Variants in B4GALT1 observed in about 807,000 individuals in gnomAD.
B4GALT1 encodes beta-1,4-galactosyltransferase 1.
A neutral mutation model predicts 34.9 loss-of-function variants in B4GALT1; 16 were observed. The observed-to-expected ratio is 0.46, with a 90% CI of 0.31 to 0.70. B4GALT1 has a LOEUF of 0.70. B4GALT1 is among the 30% of genes least tolerant of loss of function. B4GALT1 has a pLI of 0.05. For synonymous variants in B4GALT1, 221 were observed against 218.1 expected (o/e 1.01, Z -0.12); for missense variants, 445 against 530.5 (o/e 0.84, Z 1.58).
chr9:33,135,431 AG>A lies in B4GALT1; in HGVS notation c.413-8del. On this transcript the variant is annotated splice_polypyrimidine_tract_variant and splice_region_variant and intron_variant, in intron 1 of 5. Coordinates refer to ENST00000379731, the MANE Select transcript of B4GALT1 (RefSeq NM_001497.4). ...TCAATCAGCATGGGGCCCACTAGAG[AG>A]GTGGAGGGAGGGAGAAGTTAGCAGG... 6.2e-7 allele frequency: 1 copy of A among 1,613,530 alleles called. No homozygotes were observed. Among genetic ancestry groups the A allele is most frequent in the South Asian group, 1.1e-5 (1 of 90,988 alleles).
the B4GALT1 span, among the ~76,000 whole-genome samples, chr9:33,180,752 G>C: frequency 3.3e-5 from 5 of 152,306 alleles, no homozygotes; most frequent in East Asian, 9.6e-4. Flanking sequence ...CTAGGTAGGG[G>C]AGGAACGAAT....
At chr9:33,120,694 A>G (rs767345809) in intron 2 of B4GALT1, 88 bp from the exon 3 acceptor site, 219 of 1,371,636 alleles carry the variant, frequency 1.6e-4, no homozygotes, top group Non-Finnish European at 2.2e-4. Flanking sequence ...TCCACTACAC[A>G]TGGTCACTAG....
At chr9:33,116,192 A>T in intron 3 of B4GALT1, 79 bp from the exon 4 acceptor site, 1 of 1,520,784 alleles carries the variant, frequency 6.6e-7, no homozygotes, top group Non-Finnish European at 9.0e-7. Context: ...TGCTGAGAAC[A>T]TAAACACTTT....
intron 1 of B4GALT1, among the ~76,000 whole-genome samples, chr9:33,153,010 G>A (rs1840545288): frequency 6.6e-6 from 1 of 152,158 alleles, no homozygotes; most frequent in East Asian, 1.9e-4. Context: ...TCCAGCCTGG[G>A]CAACATGGCA....
Position 33,120,529 on chromosome 9 carries a change from G to C in B4GALT1, c.726C>G (p.Thr242=). Residue 242 remains threonine (T), a synonymous_variant, in exon 3 of 6, where the codon ACC becomes ACG. Coordinates refer to ENST00000379731, the MANE Select transcript of B4GALT1 (RefSeq NM_001497.4). ...FQEALKDYDY[T]CFVFSDVDLI... is the part of the protein sequence containing the mutation. ...GGTCCACGTCACTAAACACAAAGCA[G>C]GTGTAGTCATAGTCCTTCAAGGCTT... 6.2e-7 allele frequency: 1 copy of C among 1,614,172 alleles called. No individual in the cohort carries two copies. The highest frequency in any genetic ancestry group is 8.5e-7 in the Non-Finnish European group (1 of 1,180,034).
intron 2 of B4GALT1, among the ~76,000 whole-genome samples, chr9:33,132,470 C>T (rs559032888): frequency 6.7e-4 from 102 of 152,368 alleles, no homozygotes; most frequent in African/African-American, 2.4e-3. Flanking sequence ...CATGGTTCAA[C>T]CCAACATTCC....
intron 1 of B4GALT1, among the ~76,000 whole-genome samples, chr9:33,139,197 TAGGG>T (rs1840313317): frequency 1.3e-5 from 2 of 152,142 alleles, no homozygotes; most frequent in Admixed American, 6.5e-5. Context: ...TGGGTTGAGG[TAGGG>T]AGGGAGGATG....
At chr9:33,138,553 C>G (rs1453939229) in intron 1 of B4GALT1, among the ~76,000 whole-genome samples, 1 of 152,164 alleles carries the variant, frequency 6.6e-6, no homozygotes, top group African/African-American at 2.4e-5. Context: ...CCTTGATCAC[C>G]AAGCGTCACA....
the B4GALT1 span, among the ~76,000 whole-genome samples, chr9:33,181,520 A>G: frequency 6.6e-6 from 1 of 151,896 alleles, no homozygotes; most frequent in East Asian, 1.9e-4. Context: ...ATGGACAGGT[A>G]TTGATTTTTT....
chr9:33,155,340 C>T (rs1253727982), intron 1 of B4GALT1, among the ~76,000 whole-genome samples: 1 of 152,206 alleles, frequency 6.6e-6, no homozygotes, highest in Admixed American at 6.5e-5. Flanking sequence ...TTTCTACCAA[C>T]ACACCAGGCA....
chr9:33,113,976 T>C (rs944185855), intron 4 of B4GALT1, 98 bp from the exon 5 acceptor site: 4 of 1,122,680 alleles, frequency 3.6e-6, no homozygotes, highest in Non-Finnish European at 5.4e-6. Context: ...CCATCACCCT[T>C]GCTGTTCTCA....
At chr9:33,117,947 C>T (rs750246786) in intron 3 of B4GALT1, among the ~76,000 whole-genome samples, 1 of 152,194 alleles carries the variant, frequency 6.6e-6, no homozygotes, top group Non-Finnish European at 1.5e-5. Flanking sequence ...TTTGGTTTTG[C>T]TGTCTCTGCT....
In B4GALT1 at chr9:33,112,559, C is replaced by G. The variant is rs1393244224; in HGVS notation, c.*895G>C. 2.6e-5 allele frequency: 4 copies of G among 152,594 alleles called. No individual in the cohort carries two copies. Among genetic ancestry groups the G allele is most frequent in the Admixed American group, 2.0e-4 (3 of 15,280 alleles). The allele number at this position is 152,594 out of a possible 1,614,324, so 9.5% of individuals were successfully genotyped here. A position where few individuals can be genotyped will look rare whatever the true frequency, so the allele number is the denominator to read the frequency against. On this transcript the variant is annotated 3_prime_UTR_variant, in exon 6 of 6. Coordinates refer to ENST00000379731, the MANE Select transcript of B4GALT1 (RefSeq NM_001497.4). ...TTTTCTCCCTAAAAAATGCTCAATACCCCTCCCCATATTTAAAACACCACA... is the reference window on the plus strand; with the variant it reads ...TTTTCTCCCTAAAAAATGCTCAATAGCCCTCCCCATATTTAAAACACCACA...
chr9:33,179,438 C>T, the B4GALT1 span: 1 of 152,236 alleles, frequency 6.6e-6, no homozygotes, highest in Non-Finnish European at 1.5e-5. Flanking sequence ...ACACCATACA[C>T]TCTCTGAGAG....
chr9:33,120,305 G>C, intron 3 of B4GALT1, 114 bp downstream of exon 3: 1 of 1,165,072 alleles, frequency 8.6e-7, no homozygotes, highest in Non-Finnish European at 1.3e-6. Flanking sequence ...TTTCTCAGAG[G>C]AGGCATTCTG....
upstream of B4GALT1, among the ~76,000 whole-genome samples, chr9:33,169,031 A>G (rs1399312016): frequency 6.6e-6 from 1 of 152,192 alleles, no homozygotes; most frequent in Non-Finnish European, 1.5e-5. Context: ...CCTTCAAAAC[A>G]TCAAAATTCA....
At chr9:33,168,647 C>T (rs989077415), upstream of B4GALT1, among the ~76,000 whole-genome samples, 2 of 152,244 alleles carry the variant, frequency 1.3e-5, no homozygotes, top group Non-Finnish European at 2.9e-5. Flanking sequence ...TTCCTCACTT[C>T]ACTGGCCATT....
chr9:33,107,657 G>A (rs1361248041), downstream of B4GALT1, among the ~76,000 whole-genome samples: 1 of 152,192 alleles, frequency 6.6e-6, no homozygotes, highest in African/African-American at 2.4e-5. Context: ...GCTCTGCTTG[G>A]CTCAGACTTG....
At chr9:33,168,447 T>A (rs7037398), upstream of B4GALT1, among the ~76,000 whole-genome samples, 1 of 152,208 alleles carries the variant, frequency 6.6e-6, no homozygotes, top group African/African-American at 2.4e-5. Flanking sequence ...CAGCCAACCA[T>A]CAGGGAATAA....
Sources: gnomAD v4.1 joint callset for allele counts (sites outside exome capture counted in the v4.1 genomes callset) on GRCh38, gnomAD v4.1.1 for gene constraint, MANE v1.5 for transcripts, NCBI Gene and HGNC (gene_info 2026-07-23, HGNC 2026-07-21) for gene names.